Variants in CNBD1 observed in about 807,000 individuals in gnomAD.
CNBD1 encodes the protein cyclic nucleotide binding domain containing 1.
CNBD1 carries 71 observed loss-of-function variants against 54.4 expected under a neutral mutation model. That is an observed-to-expected ratio of 1.30 (90% CI 1.08 to 1.59). CNBD1 has a LOEUF of 1.59. CNBD1 is among the 40% of genes most tolerant of loss of function. The probability of loss-of-function intolerance (pLI) is 0.00; values close to 1 mark genes in which losing one functional copy is unlikely to be tolerated. For missense variants in CNBD1, 659 were observed against 518.0 expected (o/e 1.27, Z -2.64); for synonymous variants, 182 against 170.7 (o/e 1.07, Z -0.51).
intron 4 of CNBD1, among the ~76,000 whole-genome samples, chr8:87,000,641 T>C (rs1386362630): frequency 6.6e-6 from 1 of 152,186 alleles, no homozygotes; most frequent in Non-Finnish European, 1.5e-5. Flanking sequence ...ATGTTAGATA[T>C]TATGCCTGGG....
intron 8 of CNBD1, among the ~76,000 whole-genome samples, chr8:87,287,189 A>G (rs1335552346): frequency 6.6e-6 from 1 of 152,196 alleles, no homozygotes; most frequent in African/African-American, 2.4e-5. Flanking sequence ...AATATTCAGC[A>G]TAGCAAGGAT....
intron 8 of CNBD1, among the ~76,000 whole-genome samples, chr8:87,323,227 G>T (rs1419925046): frequency 8.8e-6 from 1 of 113,196 alleles, no homozygotes; most frequent in African/African-American, 3.4e-5. Context: ...ATAGTTTGAA[G>T]TCAGGTAGTG....
intron 4 of CNBD1, among the ~76,000 whole-genome samples, chr8:86,946,024 T>G (rs1473327220): frequency 6.6e-6 from 1 of 152,184 alleles, no homozygotes; most frequent in East Asian, 1.9e-4. Flanking sequence ...TCCAAAAATT[T>G]TATTCACAAA....
At chr8:87,274,577 G>T (rs2130860972) in intron 6 of CNBD1, among the ~76,000 whole-genome samples, 1 of 145,476 alleles carries the variant, frequency 6.9e-6, no homozygotes, top group Admixed American at 6.7e-5. Context: ...CTTTTGAGAA[G>T]TGTCTGTTCA....
chr8:87,225,066 A>G (rs2130813110), intron 5 of CNBD1, among the ~76,000 whole-genome samples: 1 of 151,430 alleles, frequency 6.6e-6, no homozygotes, highest in South Asian at 2.1e-4. Flanking sequence ...GTGTATAGGA[A>G]TGCTTGTGAT....
chr8:86,960,850 G>A (rs975463509), intron 4 of CNBD1, among the ~76,000 whole-genome samples: 10 of 152,162 alleles, frequency 6.6e-5, no homozygotes, highest in East Asian at 1.9e-4. Context: ...TGCAGTCTCC[G>A]CTGGTGATAC....
intron 4 of CNBD1, among the ~76,000 whole-genome samples, chr8:86,981,836 T>C (rs570929143): frequency 6.6e-6 from 1 of 152,348 alleles, no homozygotes; most frequent in Admixed American, 6.5e-5. Flanking sequence ...TTCTAGTATC[T>C]GACTATTGTG....
At chr8:87,142,194 G>A (rs1409845707) in intron 4 of CNBD1, among the ~76,000 whole-genome samples, 3 of 152,124 alleles carry the variant, frequency 2.0e-5, no homozygotes, top group Non-Finnish European at 4.4e-5. Context: ...TTTGGGAGAG[G>A]TGTGAAAATT....
At chr8:86,954,683 T>C (rs1389213347) in intron 4 of CNBD1, among the ~76,000 whole-genome samples, 1 of 152,232 alleles carries the variant, frequency 6.6e-6, no homozygotes, top group African/African-American at 2.4e-5. Context: ...ATGGTAGCTC[T>C]TAGCAATTTT....
chr8:87,035,417 A>G (rs1286741452), intron 4 of CNBD1, among the ~76,000 whole-genome samples: 1 of 152,232 alleles, frequency 6.6e-6, no homozygotes, highest in Non-Finnish European at 1.5e-5. Flanking sequence ...GGAAGATTTT[A>G]ATCATTGCAA....
chr8:87,229,719 C>T (rs1471678720), intron 5 of CNBD1, among the ~76,000 whole-genome samples: 2 of 151,534 alleles, frequency 1.3e-5, no homozygotes, highest in Non-Finnish European at 2.9e-5. Context: ...CTTTTTTATT[C>T]TCCCCTAGTA....
chr8:87,156,033 A>G (rs1465691129), intron 4 of CNBD1, among the ~76,000 whole-genome samples: 5 of 151,954 alleles, frequency 3.3e-5, no homozygotes. Flanking sequence ...GAACACTAAC[A>G]TTTACGGGGC....
chr8:87,168,294 T>C (rs1418402769), intron 4 of CNBD1, among the ~76,000 whole-genome samples: 5 of 152,024 alleles, frequency 3.3e-5, no homozygotes, highest in Non-Finnish European at 7.4e-5. Flanking sequence ...TTATTTTTAT[T>C]TTATGGGTTC....
intron 4 of CNBD1, among the ~76,000 whole-genome samples, chr8:87,106,906 T>A (rs935442967): frequency 2.6e-5 from 4 of 151,558 alleles, no homozygotes; most frequent in Non-Finnish European, 4.4e-5. Flanking sequence ...CTCGGCTTAC[T>A]GCAACCTCCA....
intron 10 of CNBD1, among the ~76,000 whole-genome samples, chr8:87,380,194 A>T (rs1013639586): frequency 5.3e-5 from 8 of 152,004 alleles, no homozygotes; most frequent in Non-Finnish European, 7.4e-5. Flanking sequence ...TTGAATATTA[A>T]AATGTCAAAT....
rs139139411 is a variant in CNBD1 at position 87,287,837 on chromosome 8, C to T, written c.1042+1166C>T. Among the ~76,000 whole-genome samples, 1,270 of 152,134 alleles carry T rather than the reference C, an allele frequency of 8.3e-3. 19 individuals are homozygous for T. The highest frequency in any genetic ancestry group is 0.029 in the African/African-American group (1,208 of 41,520). On this transcript the variant is annotated intron_variant, in intron 8 of 10. Transcript: ENST00000518476. ...CGTATTTCTTCCAAATTTCCTTCTA[C>T]TGCTTGCATTTATATTTTATTTATC...
At chr8:87,067,540 T>G (rs1810679121) in intron 4 of CNBD1, among the ~76,000 whole-genome samples, 2 of 151,988 alleles carry the variant, frequency 1.3e-5, no homozygotes, top group African/African-American at 4.8e-5. Context: ...ATTTGAAAAC[T>G]TTTTAATGAA....
intron 8 of CNBD1, among the ~76,000 whole-genome samples, chr8:87,300,231 A>G (rs571318413): frequency 1.3e-5 from 2 of 152,312 alleles, no homozygotes; most frequent in Admixed American, 1.3e-4. Flanking sequence ...TGTTATTCTC[A>G]GAAATGGAAA....
rs1231964800 is a variant in CNBD1, at chr8:87,352,483, A to AAAAAAAAAAAAAAAAAC, written c.1152+702_1152+703insAAACAAAAAAAAAAAAA. On this transcript the variant is annotated intron_variant, in intron 9 of 10. Transcript: ENST00000518476. ...TACAGAGCAAGACTCTGTCTCAAAA[A>AAAAAAAAAAAAAAAAAC]AAAAAAAAAAAAACTTATATGAATT... Among the ~76,000 whole-genome samples, 34 of 151,760 alleles carry AAAAAAAAAAAAAAAAAC rather than the reference A, an allele frequency of 2.2e-4. 1 individual carries two copies. The highest frequency in any genetic ancestry group is 8.0e-4 in the African/African-American group (33 of 41,336).
Sources: gnomAD v4.1 joint callset for allele counts (sites outside exome capture counted in the v4.1 genomes callset) on GRCh38, gnomAD v4.1.1 for gene constraint, MANE v1.5 for transcripts, NCBI Gene and HGNC (gene_info 2026-07-23, HGNC 2026-07-21) for gene names.